Variants in PCDHGA12 observed in about 807,000 individuals in gnomAD.
PCDHGA12 encodes protocadherin gamma-A12.
A neutral mutation model predicts 61.1 loss-of-function variants in PCDHGA12; 43 were observed. The observed-to-expected ratio is 0.70, with a 90% confidence interval of 0.55 to 0.91. PCDHGA12 has a LOEUF of 0.91. Ranked by LOEUF, PCDHGA12 falls within the 40% of genes least tolerant of loss-of-function variation. PCDHGA12 has a pLI of 0.00. For synonymous variants in PCDHGA12, 520 were observed against 542.9 expected (o/e 0.96, Z 0.59); for missense variants, 1,236 against 1,227.7 (o/e 1.01, Z -0.10).
intron 2 of PCDHGA12, among the ~76,000 whole-genome samples, chr5:141,501,212 A>G (rs936235563): frequency 1.9e-4 from 29 of 150,770 alleles, no homozygotes; most frequent in Admixed American, 1.8e-3. Flanking sequence ...TGTCAGGGTG[A>G]CTTCCTAGAT....
rs2099413641 is a variant in PCDHGA12, at chr5:141,477,586, T to C, written c.2425-17221T>C. The C allele has an allele frequency of 1.9e-6, 3 of 1,614,022 alleles. No individual in the cohort carries two copies. The highest frequency in any genetic ancestry group is 2.5e-6 in the Non-Finnish European group (3 of 1,180,036). On this transcript the variant is annotated intron_variant, in intron 1 of 3. Transcript: ENST00000252085. This position sits in a 1 kb window ranked among gnomAD's most constrained non-coding sequence, Gnocchi z 4.9. ...GGGACCCCGACGCCCCGCAGAATGC[T>C]CGGCTTTCTTTCTTTCTCTTGGAGC... is the stretch of plus-strand genomic sequence containing the variant.
intron 1 of PCDHGA12, among the ~76,000 whole-genome samples, chr5:141,484,092 G>A (rs1594371151): frequency 6.6e-6 from 1 of 152,102 alleles, no homozygotes; most frequent in African/African-American, 2.4e-5. Flanking sequence ...AATGGTCTTC[G>A]TTGGTAATTA....
Position 141,490,637 on chromosome 5 carries a change from A to C in PCDHGA12, c.2425-4170A>C. ...CTTTACACTGCTTACATCCTAGAAA[A>C]CCGGCCTCCGGGCTCCCTTCTTTGC... is the stretch of plus-strand genomic sequence containing the variant. On this transcript the variant is annotated intron_variant, in intron 1 of 3. Coordinates refer to ENST00000252085, the MANE Select transcript of PCDHGA12 (RefSeq NM_003735.3). This position sits in a 1 kb window ranked among gnomAD's most constrained non-coding sequence, Gnocchi z 5.4. 1 of 1,614,108 alleles carries C rather than the reference A, an allele frequency of 6.2e-7. No individual in the cohort carries two copies. Among genetic ancestry groups the C allele is most frequent in the Non-Finnish European group, 8.5e-7 (1 of 1,179,992 alleles).
At chr5:141,497,060 G>T (rs1244885752) in intron 2 of PCDHGA12, among the ~76,000 whole-genome samples, 1 of 151,952 alleles carries the variant, frequency 6.6e-6, no homozygotes, top group Non-Finnish European at 1.5e-5. Context: ...GTGGTGGCAG[G>T]CACCTGTAAT....
chr5:141,478,718 C>T, intron 1 of PCDHGA12: 1 of 1,544,994 alleles, frequency 6.5e-7, no homozygotes, highest in East Asian at 2.4e-5. Context: ...AGATGGTGGC[C>T]TGCCAGAGTG....
Position 141,486,632 on chromosome 5 carries a change from A to G in PCDHGA12, c.2425-8175A>G, listed in dbSNP as rs1304397413. The G allele has an allele frequency of 6.2e-7, 1 of 1,613,580 alleles. No individual in the cohort carries two copies. Among genetic ancestry groups the G allele is most frequent in the Non-Finnish European group, 8.5e-7 (1 of 1,180,040 alleles). ...AGCCTCTGACCCAGACTCTGGCTTG[A>G]ATGCGCTTATCTCCTACTCACTCCT... On this transcript the variant is annotated intron_variant, in intron 1 of 3. Coordinates refer to ENST00000252085, the MANE Select transcript of PCDHGA12 (RefSeq NM_003735.3). This position sits in a 1 kb window ranked among gnomAD's most constrained non-coding sequence, Gnocchi z 5.0.
chr5:141,460,430 G>T (rs1163518139), intron 1 of PCDHGA12, among the ~76,000 whole-genome samples: 2 of 152,110 alleles, frequency 1.3e-5, no homozygotes, highest in African/African-American at 4.8e-5. Flanking sequence ...ATGGTGTATG[G>T]TGTGAGGTAA....
chr5:141,498,146 G>A (rs924380243), intron 2 of PCDHGA12, among the ~76,000 whole-genome samples: 1 of 152,200 alleles, frequency 6.6e-6, no homozygotes, highest in Non-Finnish European at 1.5e-5. Context: ...GGACATCCTG[G>A]AAATGAAGTT....
rs113107293 is a variant in PCDHGA12, at chr5:141,432,844, A to G, written c.2085A>G (p.Val695=). ...CAGACCTCACTCTGTACCTGGTGGTAGCGGTGGCCGCGGTCTCCTGCGTCT... is the reference window on the plus strand; with the variant it reads ...CAGACCTCACTCTGTACCTGGTGGTGGCGGTGGCCGCGGTCTCCTGCGTCT... ...ETSDLTLYLV[V]AVAAVSCVFL... Residue 695 remains valine, a synonymous_variant, in exon 1 of 4, where the codon GTA becomes GTG. Coordinates refer to ENST00000252085, the MANE Select transcript of PCDHGA12 (RefSeq NM_003735.3). This position sits in a 1 kb window ranked among gnomAD's most constrained non-coding sequence, Gnocchi z 6.0. 0.01 allele frequency: 16,860 copies of G among 1,614,178 alleles called. 121 individuals carry two copies. Among genetic ancestry groups the G allele is most frequent in the Non-Finnish European group, 0.012 (14,441 of 1,180,006 alleles).
rs768994533 is a variant in PCDHGA12 at position 141,486,589 on chromosome 5, C to G, written c.2425-8218C>G. On this transcript the variant is annotated intron_variant, in intron 1 of 3. Transcript: ENST00000252085. This position sits in a 1 kb window ranked among gnomAD's most constrained non-coding sequence, Gnocchi z 5.0. Reference sequence around the variant, plus strand: ...TTCCTGAGAACAATCGCCCAGGGGACCTGCTTTGCTCCCTTGCAGCCTCTG... The same window carrying G: ...TTCCTGAGAACAATCGCCCAGGGGAGCTGCTTTGCTCCCTTGCAGCCTCTG... 1 of 1,613,676 alleles carries G rather than the reference C, an allele frequency of 6.2e-7. No individual in the cohort carries two copies. Among genetic ancestry groups the G allele is most frequent in the Non-Finnish European group, 8.5e-7 (1 of 1,179,996 alleles).
In PCDHGA12 at chr5:141,432,167, T is replaced by G. The variant is rs559707772; in HGVS notation, c.1408T>G (p.Ser470Ala). The G allele has an allele frequency of 1.4e-5, 22 of 1,613,962 alleles. No homozygotes were observed. The highest frequency in any genetic ancestry group is 9.3e-5 in the African/African-American group (7 of 74,972). Residue 470 changes from serine (S) to alanine (A), a missense_variant, in exon 1 of 4, where the codon TCC becomes GCC. Ser to Ala is a moderately conservative substitution (Grantham distance 99, BLOSUM62 1). Coordinates refer to ENST00000252085, the MANE Select transcript of PCDHGA12 (RefSeq NM_003735.3). The surrounding 1 kb of genome is among the most constrained non-coding windows in gnomAD (Gnocchi z 6.0). ...YIPENNPRGV[S>A]LVSVTAHDPD... Reference sequence around the variant, plus strand: ...CCCAGAGAACAATCCCAGAGGAGTTTCCCTCGTCTCTGTGACCGCCCACGA... The same window carrying G: ...CCCAGAGAACAATCCCAGAGGAGTTGCCCTCGTCTCTGTGACCGCCCACGA...
chr5:141,436,856 G>A (rs942357563), intron 1 of PCDHGA12, among the ~76,000 whole-genome samples: 2 of 152,246 alleles, frequency 1.3e-5, no homozygotes, highest in Admixed American at 1.3e-4. Context: ...TGATTGAGAA[G>A]CCACAGTTTT....
At chr5:141,492,195 CTT>C (rs1240529719) in intron 1 of PCDHGA12, among the ~76,000 whole-genome samples, 1 of 152,242 alleles carries the variant, frequency 6.6e-6, no homozygotes, top group Non-Finnish European at 1.5e-5. Context: ...GTCTGCGGGA[CTT>C]AGGTGTGCGC....
At chr5:141,434,136 TC>T (rs2097674430) in intron 1 of PCDHGA12, among the ~76,000 whole-genome samples, 1 of 152,246 alleles carries the variant, frequency 6.6e-6, no homozygotes, top group Non-Finnish European at 1.5e-5. Context: ...TAGGCTGATT[TC>T]TATGTCCTTT....
At chr5:141,509,777 G>A (rs1244876699) in intron 3 of PCDHGA12, among the ~76,000 whole-genome samples, 1 of 152,100 alleles carries the variant, frequency 6.6e-6, no homozygotes, top group Non-Finnish European at 1.5e-5. Flanking sequence ...TCTAGTCCCC[G>A]AGATCATCAT....
At chr5:141,440,579 C>G (rs1004258822) in intron 1 of PCDHGA12, 12 of 152,188 alleles carry the variant, frequency 7.9e-5, no homozygotes, top group African/African-American at 2.7e-4. Flanking sequence ...TGAGTTTACC[C>G]AGCTGGAACA....
chr5:141,471,042 C>G (rs2099247416), intron 1 of PCDHGA12, among the ~76,000 whole-genome samples: 1 of 139,088 alleles, frequency 7.2e-6, no homozygotes, highest in South Asian at 2.3e-4. Flanking sequence ...CAAGCCCAAG[C>G]CCTCTTTTTT....
chr5:141,464,389 A>G (rs2099082481), intron 1 of PCDHGA12, among the ~76,000 whole-genome samples: 1 of 151,766 alleles, frequency 6.6e-6, no homozygotes, highest in Non-Finnish European at 1.5e-5. Flanking sequence ...AAAAATGCTA[A>G]TGAAGAACCT....
At chr5:141,482,943 G>T (rs2099574928) in intron 1 of PCDHGA12, among the ~76,000 whole-genome samples, 1 of 152,086 alleles carries the variant, frequency 6.6e-6, no homozygotes, top group Non-Finnish European at 1.5e-5. Context: ...TGTGGTTGTG[G>T]GTGCCTGTAA....
Sources: allele counts gnomAD v4.1 joint callset (sites outside exome capture counted in the v4.1 genomes callset), GRCh38; gene constraint gnomAD v4.1.1; non-coding constraint Gnocchi (gnomAD v3.1); transcripts MANE v1.5; gene names NCBI Gene and HGNC (gene_info 2026-07-23, HGNC 2026-07-21).